The following PITPNM3 variants were observed in gnomAD, a reference collection of about 807,000 sequenced individuals.
PITPNM3 encodes the protein PITPNM family member 3.
In PITPNM3, 26 loss-of-function variants were observed where a neutral mutation model predicts 102.0. That is an observed-to-expected ratio of 0.25 (90% CI 0.19 to 0.35). The LOEUF (loss-of-function observed/expected upper bound fraction) is 0.35. PITPNM3 is among the 10% of genes least tolerant of loss of function. PITPNM3 has a pLI of 1.00. For missense variants in PITPNM3, 1,083 were observed against 1,346.1 expected (o/e 0.80, Z 3.06); for synonymous variants, 578 against 558.6 (o/e 1.03, Z -0.49).
chr17:6,477,408 C>A (rs542460798), intron 8 of PITPNM3, among the ~76,000 whole-genome samples, 195 bp from the exon 9 acceptor site: 1 of 152,186 alleles, frequency 6.6e-6, no homozygotes, highest in Non-Finnish European at 1.5e-5. Flanking sequence ...CCGCATCCAC[C>A]GGGATTGACA....
chr17:6,514,135 T>C (rs1340571203), intron 3 of PITPNM3, among the ~76,000 whole-genome samples: 1 of 152,074 alleles, frequency 6.6e-6, no homozygotes, highest in Non-Finnish European at 1.5e-5. Context: ...AAGACCTAAA[T>C]ATAAGAGTTA....
In PITPNM3 at chr17:6,524,503, T is replaced by C. The variant is rs115607004; in HGVS notation, c.226+853A>G. Among the ~76,000 whole-genome samples, 408 of 152,296 alleles carry C rather than the reference T, an allele frequency of 2.7e-3. 4 individuals are homozygous for C. Among genetic ancestry groups the C allele is most frequent in the African/African-American group, 9.2e-3 (383 of 41,564 alleles). ...AGATCTCTGAGCTCAGTTTCCCATATGTGAGCTCAGATTTTACGACATCTT... is the reference window on the plus strand; with the variant it reads ...AGATCTCTGAGCTCAGTTTCCCATACGTGAGCTCAGATTTTACGACATCTT... On this transcript the variant is annotated intron_variant, in intron 3 of 19. Coordinates refer to ENST00000262483, the MANE Select transcript of PITPNM3 (RefSeq NM_031220.4).
In PITPNM3 at chr17:6,470,413, G is replaced by T. The variant is rs1224137851; in HGVS notation, c.1625-5C>A. The T allele has an allele frequency of 6.2e-7, 1 of 1,614,098 alleles. No individual in the cohort carries two copies. ...TTCCCCACCACTTGGCTGTGACTGT[G>T]GGTCGGAGAGGAAGGTGAGGATGCG... On this transcript the variant is annotated splice_region_variant and splice_polypyrimidine_tract_variant and intron_variant, in intron 12 of 19. Coordinates refer to ENST00000262483, the MANE Select transcript of PITPNM3 (RefSeq NM_031220.4). This position sits in a 1 kb window ranked among gnomAD's most constrained non-coding sequence, Gnocchi z 4.8.
In PITPNM3 at chr17:6,537,842, C is replaced by T. The variant is rs1909524102; in HGVS notation, c.118+145G>A. On this transcript the variant is annotated intron_variant, in intron 2 of 19. Coordinates refer to ENST00000262483, the MANE Select transcript of PITPNM3 (RefSeq NM_031220.4). The surrounding 1 kb of genome is among the most constrained non-coding windows in gnomAD (Gnocchi z 4.4). ...GAAGGCTGAGCCCCTGCTCTTGGCA[C>T]ATCCACAGGATGGGTAAGTATGGAG... The T allele has an allele frequency of 3.9e-6, 3 of 761,718 alleles. No homozygotes were observed. The highest frequency in any genetic ancestry group is 4.7e-6 in the Non-Finnish European group (2 of 429,764). The allele number at this position is 761,718 out of a possible 1,614,324, so 47.2% of individuals were successfully genotyped here.
chr17:6,476,984 G>A (rs755240729), intron 9 of PITPNM3, 45 bp downstream of exon 9: 1 of 1,603,644 alleles, frequency 6.2e-7, no homozygotes, highest in Admixed American at 1.7e-5. Flanking sequence ...CCTCCCAGTT[G>A]GCTCTGAGCC....
rs1037794378 is a variant in PITPNM3 at position 6,455,198 on chromosome 17, G to A, written c.*140C>T. 2.6e-6 allele frequency: 3 copies of A among 1,163,742 alleles called. No homozygotes were observed. Among genetic ancestry groups the A allele is most frequent in the Admixed American group, 2.9e-5 (1 of 33,930 alleles). 72.1% of individuals were successfully genotyped at this position (1,163,742 alleles called of 1,614,324 possible). A position where few individuals can be genotyped will look rare whatever the true frequency, so the allele number is the denominator to read the frequency against. On this transcript the variant is annotated 3_prime_UTR_variant, in exon 20 of 20. Coordinates refer to ENST00000262483, the MANE Select transcript of PITPNM3 (RefSeq NM_031220.4). ...CCGGGCTCGGGCAGGATCCCTCCCC[G>A]CTCTGGTCGGACACTGCTGGACAGA...
rs556836250 is a variant in PITPNM3 at position 6,454,005 on chromosome 17, G to C, written c.*1333C>G. 6.6e-6 allele frequency: 1 copy of C among 152,572 alleles called. No individual in the cohort carries two copies. The highest frequency in any genetic ancestry group is 2.4e-5 in the African/African-American group (1 of 41,602). 9.5% of individuals were successfully genotyped at this position (152,572 alleles called of 1,614,324 possible). ...GCTTTAGGGGCCCCAGAAGGGCCAA[G>C]TCCTGCCAACCTCAGGGGACTACCC... On this transcript the variant is annotated 3_prime_UTR_variant, in exon 20 of 20. Coordinates refer to ENST00000262483, the MANE Select transcript of PITPNM3 (RefSeq NM_031220.4).
chr17:6,457,507 T>G lies in PITPNM3; in HGVS notation c.2619+87A>C. On this transcript the variant is annotated intron_variant, in intron 19 of 19. Transcript: ENST00000262483. The surrounding 1 kb of genome is among the most constrained non-coding windows in gnomAD (Gnocchi z 4.7). ...GCAAATGGGGGAATGAACAAATGAA[T>G]GAATGAATGAATGAAGTGCTTACTC... is the stretch of plus-strand genomic sequence containing the variant. 1 of 1,581,372 alleles carries G rather than the reference T, an allele frequency of 6.3e-7. No homozygotes were observed. Among genetic ancestry groups the G allele is most frequent in the Non-Finnish European group, 8.6e-7 (1 of 1,157,582 alleles).
At chr17:6,497,485 T>C (rs2150599985) in intron 4 of PITPNM3, among the ~76,000 whole-genome samples, 1 of 152,262 alleles carries the variant, frequency 6.6e-6, no homozygotes, top group Admixed American at 6.5e-5. Flanking sequence ...AGTTGGTGGC[T>C]AGGAGAGAGG....
chr17:6,483,783 G>A (rs757294881), intron 5 of PITPNM3, 31 bp from the exon 6 acceptor site: 1 of 1,599,718 alleles, frequency 6.3e-7, no homozygotes, highest in Non-Finnish European at 8.5e-7. Flanking sequence ...AATACAGAGA[G>A]AGAGGCGGCT....
Position 6,477,776 on chromosome 17 carries a change from C to A in PITPNM3, c.900+199G>T, listed in dbSNP as rs1905398432. Among the ~76,000 whole-genome samples, 5 of 152,268 alleles carry A rather than the reference C, an allele frequency of 3.3e-5. No homozygotes were observed. The South Asian group carries it at 1.0e-3, about 32-fold the overall frequency. On this transcript the variant is annotated intron_variant, in intron 8 of 19. Coordinates refer to ENST00000262483, the MANE Select transcript of PITPNM3 (RefSeq NM_031220.4). ...GGCCAGGCTAGTCTCAAACTCCTGACCTCAGGTGATCTGCCCACCTCGGCC... is the reference window on the plus strand; with the variant it reads ...GGCCAGGCTAGTCTCAAACTCCTGAACTCAGGTGATCTGCCCACCTCGGCC...
intron 4 of PITPNM3, 47 bp downstream of exon 4, chr17:6,503,480 C>T (rs1166222936): frequency 6.3e-7 from 1 of 1,597,864 alleles, no homozygotes; most frequent in South Asian, 1.1e-5. Flanking sequence ...TGAGCTTGCA[C>T]CCATCCAAGG....
At position 6,522,119 on chromosome 17, in the gene PITPNM3, AG is replaced by A. The variant is rs1456073139; in HGVS notation, c.226+3236del. 6.9e-3 allele frequency among the ~76,000 whole-genome samples: 1,050 copies of A among 152,300 alleles called. 10 individuals are homozygous for A. Among genetic ancestry groups the A allele is most frequent in the African/African-American group, 0.024 (978 of 41,542 alleles). ...TTTAGCCTATAAAATATTCAAGATT[AG>A]TGAAACACTCAGGCCCAGCAGGAAA... On this transcript the variant is annotated intron_variant, in intron 3 of 19. Coordinates refer to ENST00000262483, the MANE Select transcript of PITPNM3 (RefSeq NM_031220.4).
chr17:6,463,726 A>C lies in PITPNM3; in HGVS notation c.2306+6T>G, dbSNP rs375133852. 1 of 1,610,834 alleles carries C rather than the reference A, an allele frequency of 6.2e-7. No individual in the cohort carries two copies. Among genetic ancestry groups the C allele is most frequent in the Non-Finnish European group, 8.5e-7 (1 of 1,179,606 alleles). On this transcript the variant is annotated splice_donor_region_variant and intron_variant, in intron 17 of 19. Transcript: ENST00000262483. ...AGATATAGCCCTCGTGGAAGGTGGC[A>C]CTCACCGGACAACATCCACTGCACC...
intron 4 of PITPNM3, among the ~76,000 whole-genome samples, chr17:6,491,200 T>G (rs1906460775): frequency 1.3e-5 from 2 of 150,290 alleles, no homozygotes; most frequent in African/African-American, 4.9e-5. Flanking sequence ...TCATAGCATG[T>G]GGCATAGATA....
rs979434706 is a variant in PITPNM3, at chr17:6,459,213, T to A, written c.2491-1491A>T. Among the ~76,000 whole-genome samples the A allele has an allele frequency of 6.6e-6, 1 of 152,180 alleles. No homozygotes were observed. The highest frequency in any genetic ancestry group is 1.5e-5 in the Non-Finnish European group (1 of 68,036). ...TCTCCCTGCTACTTTTGCCCCCTTG[T>A]CCTTCCGAACTGTCTTTTCCTCACA... On this transcript the variant is annotated intron_variant, in intron 18 of 19. Coordinates refer to ENST00000262483, the MANE Select transcript of PITPNM3 (RefSeq NM_031220.4). This position sits in a 1 kb window ranked among gnomAD's most constrained non-coding sequence, Gnocchi z 5.0.
intron 1 of PITPNM3, among the ~76,000 whole-genome samples, chr17:6,544,806 G>A (rs912790421): frequency 2.6e-5 from 4 of 151,998 alleles, no homozygotes; most frequent in African/African-American, 4.8e-5. Context: ...TGGGAGCCCC[G>A]TAGACACATA....
At chr17:6,473,231 T>A in intron 10 of PITPNM3, 1 of 320,802 alleles carries the variant, frequency 3.1e-6, no homozygotes. Flanking sequence ...CAGCTGCCCC[T>A]TCCACAGGCC....
At position 6,457,857 on chromosome 17, in the gene PITPNM3, C is replaced by CCCTGTGTCAGGAACATTAATT; in HGVS notation, c.2491-136_2491-135insAATTAATGTTCCTGACACAGG. 7.7e-7 allele frequency: 1 copy of CCCTGTGTCAGGAACATTAATT among 1,304,244 alleles called. No individual in the cohort carries two copies. Among genetic ancestry groups the CCCTGTGTCAGGAACATTAATT allele is most frequent in the South Asian group, 1.3e-5 (1 of 78,264 alleles). 80.8% of individuals were successfully genotyped at this position (1,304,244 alleles called of 1,614,324 possible). A position where few individuals can be genotyped will look rare whatever the true frequency, so the allele number is the denominator to read the frequency against. On this transcript the variant is annotated intron_variant, in intron 18 of 19. Transcript: ENST00000262483. This position sits in a 1 kb window ranked among gnomAD's most constrained non-coding sequence, Gnocchi z 4.7. ...TGGTAGACTCCAAGCCATGGGGCCA[C>CCCTGTGTCAGGAACATTAATT]CCTGTGTCAGGAATGAACCCTCAGA...
Sources: allele counts gnomAD v4.1 joint callset (sites outside exome capture counted in the v4.1 genomes callset), GRCh38; gene constraint gnomAD v4.1.1; non-coding constraint Gnocchi (gnomAD v3.1); transcripts MANE v1.5; gene names NCBI Gene and HGNC (gene_info 2026-07-23, HGNC 2026-07-21).